PANK1: variants seen among roughly 807,000 people sequenced by gnomAD.
PANK1 encodes pantothenate kinase 1.
Under a neutral mutation model 40.1 loss-of-function variants are expected in PANK1, and 18 were observed. That is an observed-to-expected ratio of 0.45 (90% CI 0.31 to 0.67). The LOEUF is 0.67. PANK1 is among the 30% of genes least tolerant of loss of function. The probability of loss-of-function intolerance (pLI) is 0.06; values close to 1 mark genes in which losing one functional copy is unlikely to be tolerated. For missense variants in PANK1, 457 were observed against 599.6 expected (o/e 0.76, Z 2.48); for synonymous variants, 242 against 237.7 (o/e 1.02, Z -0.17).
chr10:89,636,860 C>T (rs1841832664), intron 1 of PANK1, among the ~76,000 whole-genome samples: 1 of 150,516 alleles, frequency 6.6e-6, no homozygotes, highest in Admixed American at 6.6e-5. Flanking sequence ...CACACCAGAG[C>T]ACCCCTCTTT....
chr10:89,640,923 G>A (rs1454986206), intron 1 of PANK1, among the ~76,000 whole-genome samples: 1 of 152,152 alleles, frequency 6.6e-6, no homozygotes. Flanking sequence ...TGGTCTTTTG[G>A]AGGAAAAGCA....
At chr10:89,635,823 T>C (rs1841787837) in intron 1 of PANK1, among the ~76,000 whole-genome samples, 1 of 152,182 alleles carries the variant, frequency 6.6e-6, no homozygotes, top group Admixed American at 6.5e-5. Context: ...GACATTCCCA[T>C]TCCAAAAGAC....
At chr10:89,608,038 T>A (rs1845026019) in intron 2 of PANK1, among the ~76,000 whole-genome samples, 1 of 151,524 alleles carries the variant, frequency 6.6e-6, no homozygotes. Flanking sequence ...AACTTTTTTT[T>A]TTTTTTTTTT....
intron 1 of PANK1, among the ~76,000 whole-genome samples, chr10:89,617,052 G>C (rs1262608542): frequency 6.6e-6 from 1 of 152,240 alleles, no homozygotes; most frequent in African/African-American, 2.4e-5. Context: ...ACCCTCCAGA[G>C]CTTTCCCTCT....
At chr10:89,622,602 G>A (rs13377055) in intron 1 of PANK1, among the ~76,000 whole-genome samples, 167 of 152,222 alleles carry the variant, frequency 1.1e-3, no homozygotes, top group Middle Eastern at 6.8e-3. Context: ...TTAGGAGGCC[G>A]AGGTGGGCGG....
At chr10:89,589,419 T>G (rs920468029) in intron 5 of PANK1, among the ~76,000 whole-genome samples, 4 of 152,220 alleles carry the variant, frequency 2.6e-5, no homozygotes, top group African/African-American at 9.6e-5. Context: ...ATCCGGTTCA[T>G]GCAGACATGC....
intron 1 of PANK1, among the ~76,000 whole-genome samples, chr10:89,632,350 C>T (rs1030612907): frequency 1.3e-5 from 2 of 152,138 alleles, no homozygotes; most frequent in Non-Finnish European, 2.9e-5. Context: ...TTAGCTAGGA[C>T]AAACTTCAGT....
intron 1 of PANK1, among the ~76,000 whole-genome samples, chr10:89,637,823 CTT>C (rs796276824): frequency 5.9e-5 from 9 of 152,226 alleles, no homozygotes; most frequent in African/African-American, 2.2e-4. Context: ...TTTTTTGACT[CTT>C]GTAATAACAC....
chr10:89,599,084 T>C, intron 3 of PANK1, 168 bp downstream of exon 3: 1 of 620,610 alleles, frequency 1.6e-6, no homozygotes, highest in South Asian at 2.2e-5. Flanking sequence ...AACATTTATA[T>C]AAATCACCCA....
intron 2 of PANK1, among the ~76,000 whole-genome samples, chr10:89,606,051 T>C (rs1248418805): frequency 6.6e-6 from 1 of 152,194 alleles, no homozygotes; most frequent in African/African-American, 2.4e-5. Context: ...TAGGTCTAAA[T>C]AGTGGGCTTA....
In PANK1 at chr10:89,644,181, GCT is replaced by G. The variant is rs780744356; in HGVS notation, c.292+417_292+418del. ...AGGGCAGGCAACCCCAGTAGGACGC[GCT>G]CAGAGAAGCGAGAGGGGTGAGAAAG... On this transcript the variant is annotated intron_variant, in intron 1 of 6. Transcript: ENST00000307534. Among the ~76,000 whole-genome samples the G allele has an allele frequency of 2.0e-5, 3 of 152,192 alleles. No individual in the cohort carries two copies. In the East Asian group the frequency reaches 5.8e-4, roughly 29 times the overall value.
chr10:89,588,558 T>C, intron 6 of PANK1, 94 bp downstream of exon 6: 1 of 949,308 alleles, frequency 1.1e-6, no homozygotes, highest in Non-Finnish European at 1.5e-6. Flanking sequence ...CTTTTCTACT[T>C]GACCAATTTA....
chr10:89,634,656 T>C (rs1363339904), intron 1 of PANK1, among the ~76,000 whole-genome samples: 1 of 152,218 alleles, frequency 6.6e-6, no homozygotes, highest in Non-Finnish European at 1.5e-5. Context: ...AAGTACTCAC[T>C]TTTCTCATCC....
At chr10:89,608,094 C>A (rs1032648103) in intron 2 of PANK1, among the ~76,000 whole-genome samples, 1 of 149,114 alleles carries the variant, frequency 6.7e-6, no homozygotes, top group Non-Finnish European at 1.5e-5. Context: ...TGCAGTGTTG[C>A]CATCTCAGCT....
At chr10:89,603,568 G>T (rs568885320) in intron 2 of PANK1, among the ~76,000 whole-genome samples, 1 of 152,204 alleles carries the variant, frequency 6.6e-6, no homozygotes, top group Admixed American at 6.5e-5. Flanking sequence ...TGGGTCAGTG[G>T]GTTAAGTTAC....
rs1428334267 is a variant in PANK1, at chr10:89,584,218, G to A, written c.*188C>T. ...GAAAAAAAACCTTTTATATTCCCCC[G>A]TTTTGAATCATTAGCTCAAAACCTA... On this transcript the variant is annotated 3_prime_UTR_variant, in exon 7 of 7. Transcript: ENST00000307534. The A allele has an allele frequency of 7.1e-5, 38 of 531,996 alleles. No homozygotes were observed. In the South Asian group the frequency reaches 7.2e-4, roughly 10 times the overall value. The allele number at this position is 531,996 out of a possible 1,614,324, so 33.0% of individuals were successfully genotyped here.
rs904917438 is a variant in PANK1, at chr10:89,592,678, C to A, written c.1200+519G>T. On this transcript the variant is annotated intron_variant, in intron 5 of 6. Transcript: ENST00000307534. ...AATGCTTCAAAACATGTTAATACAA[C>A]TTTGTATGTCACCAGCTCCACCCCT... The A allele has an allele frequency of 7.6e-6, 4 of 525,298 alleles. No homozygotes were observed. The African/African-American group carries it at 7.7e-5, about 10-fold the overall frequency. The allele number at this position is 525,298 out of a possible 1,614,324, so 32.5% of individuals were successfully genotyped here. A position where few individuals can be genotyped will look rare whatever the true frequency, so the allele number is the denominator to read the frequency against.
chr10:89,591,063 T>C (rs1310271563), intron 5 of PANK1, among the ~76,000 whole-genome samples: 1 of 151,040 alleles, frequency 6.6e-6, no homozygotes, highest in African/African-American at 2.5e-5. Context: ...AAAAAGCTGA[T>C]AAAGCAAGAT....
intron 2 of PANK1, among the ~76,000 whole-genome samples, chr10:89,604,557 G>A (rs1844885167): frequency 6.6e-6 from 1 of 151,872 alleles, no homozygotes; most frequent in South Asian, 2.1e-4. Flanking sequence ...GCCAGGCATG[G>A]TCACGATGTG....
Sources: gnomAD v4.1 joint callset for allele counts (sites outside exome capture counted in the v4.1 genomes callset) on GRCh38, gnomAD v4.1.1 for gene constraint, MANE v1.5 for transcripts, NCBI Gene and HGNC (gene_info 2026-07-23, HGNC 2026-07-21) for gene names.